MBP: variants seen among roughly 807,000 people sequenced by gnomAD.
MBP encodes the protein myelin basic protein.
In MBP, 16 loss-of-function variants were observed where a neutral mutation model predicts 35.8. The observed-to-expected ratio is 0.45, with a 90% CI of 0.30 to 0.68. The LOEUF (loss-of-function observed/expected upper bound fraction) is 0.68, where lower values mean the gene tolerates loss of function less well. MBP is among the 30% of genes least tolerant of loss of function. MBP has a pLI of 0.08. For synonymous variants in MBP, 143 were observed against 159.6 expected, an observed-to-expected ratio of 0.90 and a Z score of 0.78; for missense variants, 380 against 404.7, an observed-to-expected ratio of 0.94 and a Z score of 0.52.
At chr18:77,118,867 C>T (rs35923807) in intron 1 of MBP, among the ~76,000 whole-genome samples, 7,326 of 151,468 alleles carry the variant, frequency 0.048, 384 homozygotes, top group East Asian at 0.2. Context: ...ACACACTCCA[C>T]AGACACTTCA....
intron 4 of MBP, among the ~76,000 whole-genome samples, chr18:77,011,438 T>A (rs1410467626): frequency 1.3e-5 from 2 of 152,178 alleles, no homozygotes; most frequent in African/African-American, 4.8e-5. Context: ...ACAAAGAAGA[T>A]CATCACTGTG....
chr18:76,986,296 T>A, intron 7 of MBP: 1 of 985,536 alleles, frequency 1.0e-6, no homozygotes, highest in Non-Finnish European at 1.2e-6. Context: ...AGACTGTCCC[T>A]CCTCTATCAG....
At chr18:77,019,901 C>T (rs1054028983) in intron 3 of MBP, among the ~76,000 whole-genome samples, 3 of 152,088 alleles carry the variant, frequency 2.0e-5, no homozygotes, top group Non-Finnish European at 4.4e-5. Flanking sequence ...GGAGGATGGC[C>T]GGGCTGAGAA....
At chr18:77,025,972 CA>C (rs1972205028) in intron 3 of MBP, among the ~76,000 whole-genome samples, 1 of 152,214 alleles carries the variant, frequency 6.6e-6, no homozygotes, top group Admixed American at 6.5e-5. Context: ...TGCCCTGCGG[CA>C]CCGTGAGTGC....
intron 4 of MBP, chr18:77,016,282 C>T: frequency 1.0e-6 from 1 of 985,416 alleles, no homozygotes; most frequent in Non-Finnish European, 1.2e-6. Context: ...ATTTATCCCT[C>T]CCCCCTTCCA....
In MBP at chr18:77,101,475, G is replaced by A. The variant is rs1290321216; in HGVS notation, c.51+3736C>T. Among the ~76,000 whole-genome samples, 1 of 152,166 alleles carries A rather than the reference G, an allele frequency of 6.6e-6. No individual in the cohort carries two copies. The highest frequency in any genetic ancestry group is 1.5e-5 in the Non-Finnish European group (1 of 68,018). ...GCCTGGAGGAAGTTACACTCCATCC[G>A]CATGAGTGAATCATGAGTCAGGAGG... On this transcript the variant is annotated intron_variant, in intron 2 of 8. Coordinates refer to ENST00000355994, the MANE Select transcript of MBP (RefSeq NM_001025101.2). The surrounding 1 kb of genome is among the most constrained non-coding windows in gnomAD (Gnocchi z 4.3).
chr18:77,053,700 G>A (rs1481206071), intron 3 of MBP, among the ~76,000 whole-genome samples: 1 of 152,218 alleles, frequency 6.6e-6, no homozygotes, highest in Non-Finnish European at 1.5e-5. Flanking sequence ...GTGGAACACT[G>A]CCATGTGCAA....
chr18:77,105,081 A>G, intron 2 of MBP, 130 bp downstream of exon 2: 1 of 541,958 alleles, frequency 1.8e-6, no homozygotes. Flanking sequence ...AACAAGGACC[A>G]GGCTTCCACC....
intron 4 of MBP, chr18:77,004,324 C>G (rs2123330005): frequency 6.6e-6 from 1 of 152,200 alleles, no homozygotes; most frequent in East Asian, 1.9e-4. Flanking sequence ...GATTTCTGGT[C>G]AAACAGCTCC....
At chr18:77,089,722 G>A (rs1026519) in intron 2 of MBP, among the ~76,000 whole-genome samples, 2,895 of 152,312 alleles carry the variant, frequency 0.019, 47 homozygotes, top group Non-Finnish European at 0.03. Flanking sequence ...GTCCCATCCT[G>A]CCGTGACTTT....
chr18:77,024,163 C>T (rs2123529352), intron 3 of MBP, among the ~76,000 whole-genome samples: 1 of 152,350 alleles, frequency 6.6e-6, no homozygotes, highest in South Asian at 2.1e-4. Context: ...CAACCTGCAG[C>T]CCACAGGCCG....
chr18:77,001,161 C>T (rs1325720711), intron 4 of MBP, among the ~76,000 whole-genome samples: 2 of 152,212 alleles, frequency 1.3e-5, no homozygotes, highest in Non-Finnish European at 2.9e-5. Flanking sequence ...CGGGTCCCCG[C>T]CCACCCGGTT....
At chr18:77,091,884 G>A (rs750288644) in intron 2 of MBP, among the ~76,000 whole-genome samples, 48 of 152,030 alleles carry the variant, frequency 3.2e-4, no homozygotes, top group Non-Finnish European at 4.9e-4. Flanking sequence ...TACCACATAT[G>A]CACAGTTACA....
At chr18:76,993,116 G>T (rs1286943946) in intron 4 of MBP, among the ~76,000 whole-genome samples, 1 of 152,236 alleles carries the variant, frequency 6.6e-6, no homozygotes, top group Admixed American at 6.5e-5. Flanking sequence ...ACCATGAGCT[G>T]CTTGTCCTTC....
At chr18:77,014,896 T>C (rs924164883) in intron 4 of MBP, 15 of 983,598 alleles carry the variant, frequency 1.5e-5, no homozygotes, top group Middle Eastern at 5.2e-4. Context: ...AATGGATACT[T>C]CAAAATTCCT....
chr18:77,108,155 G>C (rs921035319), intron 1 of MBP: 1 of 152,226 alleles, frequency 6.6e-6, no homozygotes, highest in Non-Finnish European at 1.5e-5. Context: ...CTGCCTTTTA[G>C]AGAAGAGCTC....
At position 76,979,838 on chromosome 18, in the gene MBP, C is replaced by T; in HGVS notation, c.*589G>A. ...CCTCTCTGTGCTGCCCCACGTTGGA[C>T]TCTAACAGCTGCCCAGCCCGCATGT... On this transcript the variant is annotated 3_prime_UTR_variant, in exon 9 of 9. Transcript: ENST00000355994. The T allele has an allele frequency of 1.5e-6, 1 of 646,250 alleles. No homozygotes were observed. Among genetic ancestry groups the T allele is most frequent in the South Asian group, 1.8e-5 (1 of 56,300 alleles). 40.0% of individuals were successfully genotyped at this position (646,250 alleles called of 1,614,324 possible). A position where few individuals can be genotyped will look rare whatever the true frequency, so the allele number is the denominator to read the frequency against.
intron 3 of MBP, among the ~76,000 whole-genome samples, chr18:77,024,059 A>G (rs1972101496): frequency 6.6e-6 from 1 of 152,230 alleles, no homozygotes; most frequent in Non-Finnish European, 1.5e-5. Context: ...CTTTGCTAGA[A>G]AAACTTAGAT....
rs759792495 is a variant in MBP, at chr18:77,009,729, C to A, written c.576+7103G>T. 6.9e-6 allele frequency: 6 copies of A among 868,092 alleles called. No homozygotes were observed. In the Admixed American group the frequency reaches 1.6e-4, roughly 23 times the overall value. The allele number at this position is 868,092 out of a possible 1,614,324, so 53.8% of individuals were successfully genotyped here. A position where few individuals can be genotyped will look rare whatever the true frequency, so the allele number is the denominator to read the frequency against. On this transcript the variant is annotated intron_variant, in intron 4 of 8. Transcript: ENST00000355994. The stretch of plus-strand genomic sequence containing the variant: ...TGCTTTCACGGCCTCACAGATGCCC[C>A]GGAGGCTGGGGGTGGGCCCCTGGCA...
Sources: gnomAD v4.1 joint callset for allele counts (sites outside exome capture counted in the v4.1 genomes callset) on GRCh38, gnomAD v4.1.1 for gene constraint, Gnocchi (gnomAD v3.1) non-coding constraint, MANE v1.5 for transcripts, NCBI Gene and HGNC (gene_info 2026-07-23, HGNC 2026-07-21) for gene names.